Variants in LTK observed in about 807,000 individuals in gnomAD.
LTK encodes the protein leukocyte tyrosine kinase receptor.
In LTK, 117 loss-of-function variants were observed where a neutral mutation model predicts 101.5. The observed-to-expected ratio is 1.15, with a 90% confidence interval of 0.99 to 1.34. The LOEUF is 1.34. LTK is among the 40% of genes most tolerant of loss of function. The pLI is 0.00. For synonymous variants in LTK, 563 were observed against 494.2 expected (o/e 1.14, Z -1.85); for missense variants, 1,252 against 1,164.7 (o/e 1.07, Z -1.09).
chr15:41,504,753 G>A lies in LTK; in HGVS notation c.2120+20C>T. ...AGGGGAGGGGAACAGTGGGGAAGGG[G>A]AGGGGAAGGGTGTTATCACCAGGAA... On this transcript the variant is annotated intron_variant, in intron 17 of 19. Transcript: ENST00000263800. 6.2e-7 allele frequency: 1 copy of A among 1,603,796 alleles called. No homozygotes were observed. The highest frequency in any genetic ancestry group is 8.5e-7 in the Non-Finnish European group (1 of 1,175,730).
In LTK at chr15:41,504,438, G is replaced by A; in HGVS notation, c.2256-6C>T. Reference sequence around the variant, plus strand: ...ACTGGGTCATGATGCGGTACCTGGGGAGAGGCAGGAGTTCATGCCCACCCA... The same window carrying A: ...ACTGGGTCATGATGCGGTACCTGGGAAGAGGCAGGAGTTCATGCCCACCCA... On this transcript the variant is annotated splice_region_variant and splice_polypyrimidine_tract_variant and intron_variant, in intron 18 of 19. Transcript: ENST00000263800. 1 of 1,614,080 alleles carries A rather than the reference G, an allele frequency of 6.2e-7. No individual in the cohort carries two copies. Among genetic ancestry groups the A allele is most frequent in the Non-Finnish European group, 8.5e-7 (1 of 1,180,006 alleles).
In LTK at chr15:41,508,191, C is replaced by G. The variant is rs150610943; in HGVS notation, c.1127G>C (p.Arg376Pro). 4.7e-5 allele frequency: 76 copies of G among 1,612,402 alleles called. No individual in the cohort carries two copies. Among genetic ancestry groups the G allele is most frequent in the Non-Finnish European group, 6.4e-5 (75 of 1,179,352 alleles). Reference protein sequence around the residue: ...VTENHGEVEIRRHLNCSHCPL... With the variant: ...VTENHGEVEIPRHLNCSHCPL... Reference sequence around the variant, plus strand: ...GCAGTGACTGCAGTTGAGGTGCCTTCGGATCTCTACCTCTCCGTGGTTCTC... The same window carrying G: ...GCAGTGACTGCAGTTGAGGTGCCTTGGGATCTCTACCTCTCCGTGGTTCTC... Residue 376 changes from arginine to proline, a missense_variant, in exon 9 of 20, where the codon CGA (arginine) becomes CCA (proline). By Grantham distance (103) the Arg-to-Pro change is moderately radical (BLOSUM62 -2). Transcript: ENST00000263800.
intron 7 of LTK, among the ~76,000 whole-genome samples, chr15:41,510,092 C>T (rs1461844113): frequency 1.3e-5 from 2 of 151,742 alleles, no homozygotes; most frequent in Non-Finnish European, 2.9e-5. Context: ...CTGCAACCTC[C>T]GCCTCCCGGG....
Position 41,504,546 on chromosome 15 carries a change from C to G in LTK, c.2215G>C (p.Gly739Arg). 3 of 1,613,890 alleles carry G rather than the reference C, an allele frequency of 1.9e-6. No homozygotes were observed. The highest frequency in any genetic ancestry group is 2.5e-6 in the Non-Finnish European group (3 of 1,179,990). Residue 739 changes from glycine to arginine, a missense_variant, in exon 18 of 20, where the codon GGA becomes CGA. Coordinates refer to ENST00000263800, the MANE Select transcript of LTK (RefSeq NM_002344.6). ...NQEVLDFVVG[G>R]GRMDPPRGCP... ...CCCCTAGGAGGGTCCATCCGGCCTCCTCCAACGACGAAGTCCAGCACCTCC... is the reference window on the plus strand; with the variant it reads ...CCCCTAGGAGGGTCCATCCGGCCTCGTCCAACGACGAAGTCCAGCACCTCC...
chr15:41,504,225 G>C lies in LTK; in HGVS notation c.2366C>G (p.Ser789Ter). 9.3e-6 allele frequency: 15 copies of C among 1,610,094 alleles called. No homozygotes were observed. The highest frequency in any genetic ancestry group is 1.2e-5 in the Non-Finnish European group (14 of 1,177,384). Reference sequence around the variant, plus strand: ...GGGCCCCAGCTCCATTGGCAGGAGTGAATTCAGCACATCCGGGTCCTGTAA... The same window carrying C: ...GGGCCCCAGCTCCATTGGCAGGAGTCAATTCAGCACATCCGGGTCCTGTAA... ...YCTQDPDVLN[S>*]LLPMELGPTP... is the part of the protein sequence containing the mutation. The change falls in exon 20 of 20, where the codon TCA (serine) becomes TGA (stop). Residue 789 changes from serine to a stop codon, truncating the protein, a stop_gained. Transcript: ENST00000263800. LOFTEE classifies it low-confidence loss of function (END_TRUNC).
At chr15:41,512,601 G>A in intron 3 of LTK, 106 bp downstream of exon 3, 3 of 1,356,684 alleles carry the variant, frequency 2.2e-6, no homozygotes, top group Non-Finnish European at 2.9e-6. Flanking sequence ...ACCTCCCCGC[G>A]GAATAGTCCA....
chr15:41,507,726 C>A, intron 9 of LTK, 69 bp from the exon 10 acceptor site: 1 of 1,467,340 alleles, frequency 6.8e-7, no homozygotes, highest in Non-Finnish European at 9.2e-7. Flanking sequence ...GTTTTACCCA[C>A]GCTTCAAGAC....
At chr15:41,510,195 T>G (rs1487721983) in intron 7 of LTK, among the ~76,000 whole-genome samples, 1 of 147,698 alleles carries the variant, frequency 6.8e-6, no homozygotes, top group Admixed American at 6.7e-5. Flanking sequence ...TTAGTACAGA[T>G]GGGGGTTTCA....
At position 41,504,554 on chromosome 15, in the gene LTK, A is replaced by G; in HGVS notation, c.2207T>C (p.Val736Ala). 6.2e-7 allele frequency: 1 copy of G among 1,613,878 alleles called. No individual in the cohort carries two copies. The highest frequency in any genetic ancestry group is 8.5e-7 in the Non-Finnish European group (1 of 1,179,988). Residue 736 changes from valine (V) to alanine (A), a missense_variant, in exon 18 of 20, where the codon GTC becomes GCC. Physicochemically the swap from Val to Ala is moderately conservative, Grantham distance 64. Coordinates refer to ENST00000263800, the MANE Select transcript of LTK (RefSeq NM_002344.6). ...AGGGTCCATCCGGCCTCCTCCAACG[A>G]CGAAGTCCAGCACCTCCTGGTTGGT... ...GRTNQEVLDF[V>A]VGGGRMDPPR...
chr15:41,507,370 A>C (rs1273470992), intron 10 of LTK, 80 bp from the exon 11 acceptor site: 3 of 1,467,574 alleles, frequency 2.0e-6, no homozygotes, highest in Non-Finnish European at 2.8e-6. Context: ...ACACCCCTCC[A>C]GATGCTCATT....
In LTK at chr15:41,512,161, G is replaced by A. The variant is rs1388433063; in HGVS notation, c.464C>T (p.Ser155Leu). 7.4e-6 allele frequency: 12 copies of A among 1,611,864 alleles called. No homozygotes were observed. The highest frequency in any genetic ancestry group is 1.0e-5 in the Non-Finnish European group (12 of 1,179,380). The stretch of plus-strand genomic sequence containing the variant: ...CTGCTGCCCCACCAGGATGTACAGC[G>A]ACTCCCCGAGACCGAGGGAGAAGAT... ...SAIFSLGLGE[S>L]LYILVGQQGE... Residue 155 changes from serine to leucine, a missense_variant, in exon 4 of 20, where the codon TCG becomes TTG. By Grantham distance (145) the Ser-to-Leu change is moderately radical. Coordinates refer to ENST00000263800, the MANE Select transcript of LTK (RefSeq NM_002344.6).
At position 41,504,844 on chromosome 15, in the gene LTK, G is replaced by C; in HGVS notation, c.2049C>G (p.Ala683=). The part of the protein sequence containing the change: ...RASYYRRGDR[A]LLPVKWMPPE... The stretch of plus-strand genomic sequence containing the variant: ...GGGGCATCCACTTGACTGGGAGCAA[G>C]GCCCGGTCCCCCCTGCGGTAATAAC... Residue 683 remains alanine (A), a synonymous_variant, in exon 17 of 20, where the codon GCC becomes GCG. Transcript: ENST00000263800. 6.2e-7 allele frequency: 1 copy of C among 1,613,316 alleles called. No homozygotes were observed. The highest frequency in any genetic ancestry group is 1.7e-4 in the Middle Eastern group (1 of 6,056).
chr15:41,505,885 AC>A, intron 12 of LTK, 29 bp downstream of exon 12: 1 of 1,605,278 alleles, frequency 6.2e-7, no homozygotes, highest in Admixed American at 1.7e-5. Context: ...CCGCTCTCCT[AC>A]CCCCAGCCAG....
In LTK at chr15:41,513,824, T is replaced by G; in HGVS notation, c.-115A>C. ...GCCCTGGCCACCACTTACAGGGGTG[T>G]GCTGCCGCTGGCGAGACACTCCCCG... On this transcript the variant is annotated 5_prime_UTR_variant, in exon 1 of 20. Coordinates refer to ENST00000263800, the MANE Select transcript of LTK (RefSeq NM_002344.6). 3 of 920,676 alleles carry G rather than the reference T, an allele frequency of 3.3e-6. No individual in the cohort carries two copies. Among genetic ancestry groups the G allele is most frequent in the Non-Finnish European group, 5.3e-6 (3 of 564,612 alleles). The allele number at this position is 920,676 out of a possible 1,614,324, so 57.0% of individuals were successfully genotyped here.
intron 1 of LTK, 116 bp downstream of exon 1, chr15:41,513,551 G>T: frequency 1.1e-6 from 1 of 949,822 alleles, no homozygotes; most frequent in Non-Finnish European, 1.7e-6. Context: ...AAATTTGGCT[G>T]TGAGAGTTCG....
Position 41,512,991 on chromosome 15 carries a change from G to C in LTK, c.173C>G (p.Pro58Arg). 6.2e-7 allele frequency: 1 copy of C among 1,613,714 alleles called. No homozygotes were observed. The highest frequency in any genetic ancestry group is 8.5e-7 in the Non-Finnish European group (1 of 1,179,942). ...CTAAAGCTCACCCGGAGAATTCAGC[G>C]GGGAGGCTGGCTCCAAGATACTAGG... Reference protein sequence around the residue: ...APPSILEPASPLNSPGTEGSW... With the variant: ...APPSILEPASRLNSPGTEGSW... Residue 58 changes from proline (P) to arginine (R), a missense_variant, in exon 2 of 20, where the codon CCG becomes CGG. By Grantham distance (103) the Pro-to-Arg change is moderately radical. Coordinates refer to ENST00000263800, the MANE Select transcript of LTK (RefSeq NM_002344.6).
rs150023038 is a variant in LTK, at chr15:41,509,122, G to A, written c.1005C>T (p.Asp335=). Residue 335 remains aspartate (D), a synonymous_variant, in exon 8 of 20, where the codon GAC becomes GAT. Coordinates refer to ENST00000263800, the MANE Select transcript of LTK (RefSeq NM_002344.6). ...CCCAGAGGTTGTCAGTCTCTGAAGC[G>A]TCGCCCCCTGGAAGTGGAGAGTGAT... ...GGGGGGYRGG[D]ASETDNLWAD... is the part of the protein sequence containing the mutation. The A allele has an allele frequency of 8.5e-5, 136 of 1,609,062 alleles. No individual in the cohort carries two copies. Among genetic ancestry groups the A allele is most frequent in the African/African-American group, 4.8e-4 (36 of 74,948 alleles).
Position 41,505,426 on chromosome 15 carries a change from A to G in LTK, c.1802T>C (p.Phe601Ser). The change falls in exon 14 of 20, where the codon TTC (phenylalanine) becomes TCC (serine). Residue 601 changes from phenylalanine (F) to serine (S), a missense_variant. By Grantham distance (155) the Phe-to-Ser change is radical (BLOSUM62 -2). Transcript: ENST00000263800. ...ELMSGGDMKS[F>S]LRHSRPHLGQ... ...CAGGTGTGGCCGACTGTGCCTCAGG[A>G]AACTCTTCATGTCCCCTCCAGACAT... 6.2e-7 allele frequency: 1 copy of G among 1,614,056 alleles called. No individual in the cohort carries two copies. The highest frequency in any genetic ancestry group is 8.5e-7 in the Non-Finnish European group (1 of 1,179,984).
chr15:41,511,689 C>G lies in LTK; in HGVS notation c.658-111G>C, dbSNP rs2051469280. ...CTGGATAAGGGCAGGGGCCCCCAGC[C>G]CAGCCCAGGCCAGCCCAGCCCAGCG... On this transcript the variant is annotated intron_variant, in intron 5 of 19. Transcript: ENST00000263800. This position sits in a 1 kb window ranked among gnomAD's most constrained non-coding sequence, Gnocchi z 5.9. 1 of 1,394,908 alleles carries G rather than the reference C, an allele frequency of 7.2e-7. No individual in the cohort carries two copies. Among genetic ancestry groups the G allele is most frequent in the Non-Finnish European group, 9.3e-7 (1 of 1,076,080 alleles). 86.4% of individuals were successfully genotyped at this position (1,394,908 alleles called of 1,614,324 possible).
Sources: allele counts gnomAD v4.1 joint callset (sites outside exome capture counted in the v4.1 genomes callset), GRCh38; gene constraint gnomAD v4.1.1; non-coding constraint Gnocchi (gnomAD v3.1); transcripts MANE v1.5; gene names NCBI Gene and HGNC (gene_info 2026-07-23, HGNC 2026-07-21).